The following IL1RAPL2 variants were observed in gnomAD, a reference collection of about 807,000 sequenced individuals.
IL1RAPL2 encodes the protein interleukin 1 receptor accessory protein like 2.
Under a neutral mutation model 44.1 loss-of-function variants are expected in IL1RAPL2, and 3 were observed. The ratio of observed to expected loss-of-function variants is 0.07; its 90% confidence interval spans 0.03 to 0.18. The LOEUF (loss-of-function observed/expected upper bound fraction) is 0.18, where lower values mean the gene tolerates loss of function less well. Among genes scored for constraint, IL1RAPL2 ranks in the 10% least tolerant of loss-of-function variants. The probability of loss-of-function intolerance (pLI) is 1.00; values close to 1 mark genes in which losing one functional copy is unlikely to be tolerated. For missense variants in IL1RAPL2, 391 were observed against 496.4 expected (o/e 0.79, Z 2.02); for synonymous variants, 181 against 178.8 (o/e 1.01, Z -0.10).
At chrX:105,474,371 C>T (rs2036184411) in intron 5 of IL1RAPL2, among the ~76,000 whole-genome samples, 1 of 111,384 alleles carries the variant, frequency 9.0e-6, no homozygotes, top group Non-Finnish European at 1.9e-5. Flanking sequence ...TTCTCACTTC[C>T]CAAACAATAA....
chrX:105,258,824 C>T (rs12688301), intron 4 of IL1RAPL2, among the ~76,000 whole-genome samples: 3 of 111,891 alleles, frequency 2.7e-5, no homozygotes, highest in East Asian at 5.7e-4. Flanking sequence ...CCTTCAGCTC[C>T]TGTATCGTTT....
At chrX:105,693,691 T>G (rs2038054483) in intron 6 of IL1RAPL2, among the ~76,000 whole-genome samples, 1 of 111,694 alleles carries the variant, frequency 9.0e-6, no homozygotes, top group Non-Finnish European at 1.9e-5. Context: ...ATTATCTGGG[T>G]GGGCCCAATC....
At chrX:105,581,173 A>G (rs1331919830) in intron 6 of IL1RAPL2, among the ~76,000 whole-genome samples, 3 of 111,471 alleles carry the variant, frequency 2.7e-5, no homozygotes, top group African/African-American at 9.8e-5. Context: ...CACTCATGCA[A>G]TTTCTCTTTC....
intron 6 of IL1RAPL2, among the ~76,000 whole-genome samples, chrX:105,594,854 A>C (rs968492552): frequency 2.6e-4 from 29 of 111,346 alleles, no homozygotes; most frequent in Non-Finnish European, 4.7e-4. Context: ...TGGATGTAAA[A>C]ATGGGAACAG....
At chrX:104,616,060 C>CT (rs201401256) in intron 1 of IL1RAPL2, among the ~76,000 whole-genome samples, 18,208 of 111,532 alleles carry the variant, frequency 0.16, 3,731 homozygotes, top group African/African-American at 0.57. Flanking sequence ...CCTTTGCCTA[C>CT]TTTTAATGGG....
chrX:104,887,818 A>G lies in IL1RAPL2; in HGVS notation c.82+228823A>G, dbSNP rs769391935. ...ACCGATGGAAGTTCATTTGTGGAGA[A>G]TGGGATATTAAGGGCAGGTTATGCC... On this transcript the variant is annotated intron_variant, in intron 2 of 10. Coordinates refer to ENST00000372582, the MANE Select transcript of IL1RAPL2 (RefSeq NM_017416.2). 2.7e-5 allele frequency among the ~76,000 whole-genome samples: 3 copies of G among 111,916 alleles called. No individual in the cohort carries two copies. The East Asian group carries it at 8.5e-4, about 32-fold the overall frequency.
intron 2 of IL1RAPL2, among the ~76,000 whole-genome samples, chrX:105,037,171 A>G (rs1406005927): frequency 3.6e-5 from 4 of 111,841 alleles, no homozygotes; most frequent in Non-Finnish European, 7.5e-5. Context: ...ACTTGGTGGG[A>G]TGATGCTCAT....
chrX:105,541,722 ACCT>A (rs1251683456), intron 6 of IL1RAPL2, among the ~76,000 whole-genome samples: 1 of 109,922 alleles, frequency 9.1e-6, no homozygotes, highest in Admixed American at 9.7e-5. Context: ...CGATTAAACA[ACCT>A]CCTAATTAGT....
chrX:105,587,161 T>G (rs374284722), intron 6 of IL1RAPL2, among the ~76,000 whole-genome samples: 37 of 112,096 alleles, frequency 3.3e-4, no homozygotes, highest in African/African-American at 1.1e-3. Flanking sequence ...TCATGGACAA[T>G]AGTAGTAGTC....
chrX:105,099,613 C>T (rs1236095214), intron 2 of IL1RAPL2, among the ~76,000 whole-genome samples: 8 of 106,264 alleles, frequency 7.5e-5, no homozygotes, highest in African/African-American at 2.8e-4. Context: ...TACAGGCGCC[C>T]GCCACTACGC....
chrX:104,851,728 C>T (rs1215411933), intron 2 of IL1RAPL2, among the ~76,000 whole-genome samples: 2 of 111,242 alleles, frequency 1.8e-5, no homozygotes, highest in African/African-American at 6.5e-5. Flanking sequence ...GGGTAATTTA[C>T]AAGAAAACAG....
In IL1RAPL2 at chrX:105,205,462, C is replaced by T. The variant is rs148515907; in HGVS notation, c.356+9714C>T. Reference sequence around the variant, plus strand: ...AAAATTAGCCAGGTGTGGTAGTGCACGCCTACAATCCCAGCTACTTGGGAA... The same window carrying T: ...AAAATTAGCCAGGTGTGGTAGTGCATGCCTACAATCCCAGCTACTTGGGAA... On this transcript the variant is annotated intron_variant, in intron 3 of 10. Transcript: ENST00000372582. 3.3e-3 allele frequency among the ~76,000 whole-genome samples: 344 copies of T among 105,598 alleles called. 2 individuals carry two copies. The highest frequency in any genetic ancestry group is 0.011 in the African/African-American group (319 of 29,018). The allele number at this position is 105,598 out of a possible 115,157, so 91.7% of individuals were successfully genotyped here.
chrX:105,025,087 A>G (rs1027043813), intron 2 of IL1RAPL2, among the ~76,000 whole-genome samples: 1 of 110,602 alleles, frequency 9.0e-6, no homozygotes, highest in African/African-American at 3.3e-5. Context: ...CTCTTTTAAG[A>G]TACCTTTTTT....
chrX:105,536,183 A>T (rs1022681623), intron 6 of IL1RAPL2, among the ~76,000 whole-genome samples: 7 of 110,649 alleles, frequency 6.3e-5, no homozygotes, highest in Non-Finnish European at 1.1e-4. Context: ...CACTGCTGTT[A>T]TCTTGGTGAA....
At chrX:104,796,013 C>G (rs1424177067) in intron 2 of IL1RAPL2, among the ~76,000 whole-genome samples, 1 of 112,241 alleles carries the variant, frequency 8.9e-6, no homozygotes. Context: ...CTAAGCTCAG[C>G]TATAGATCTC....
intron 2 of IL1RAPL2, among the ~76,000 whole-genome samples, chrX:104,807,832 G>T (rs1376578961): frequency 1.8e-5 from 2 of 110,629 alleles, no homozygotes; most frequent in Non-Finnish European, 3.8e-5. Context: ...AATATAAATG[G>T]ACTTTTCATT....
intron 5 of IL1RAPL2, among the ~76,000 whole-genome samples, chrX:105,312,307 T>C (rs1483847382): frequency 1.8e-5 from 2 of 112,103 alleles, no homozygotes; most frequent in East Asian, 2.8e-4. Context: ...ATTGGAAGTG[T>C]ACATCATCTA....
At chrX:105,219,109 C>A (rs1253894570) in intron 3 of IL1RAPL2, 4 of 1,211,252 alleles carry the variant, frequency 3.3e-6, no homozygotes, top group Non-Finnish European at 4.5e-6. Context: ...TTCGGAGTAT[C>A]TCCTGTCTCT....
At chrX:105,451,305 A>G (rs1340018415) in intron 5 of IL1RAPL2, among the ~76,000 whole-genome samples, 2 of 111,173 alleles carry the variant, frequency 1.8e-5, no homozygotes, top group Non-Finnish European at 3.8e-5. Flanking sequence ...TTTTATTCCC[A>G]TGGACTTTTC....
Sources: allele counts gnomAD v4.1 joint callset (sites outside exome capture counted in the v4.1 genomes callset), GRCh38; gene constraint gnomAD v4.1.1; transcripts MANE v1.5; gene names NCBI Gene and HGNC (gene_info 2026-07-23, HGNC 2026-07-21).